UQCRC1: variants seen among roughly 807,000 people sequenced by gnomAD.
UQCRC1 encodes ubiquinol-cytochrome c reductase core protein 1.
In UQCRC1, 34 loss-of-function variants were observed where a neutral mutation model predicts 58.0. That is an observed-to-expected ratio of 0.59 (90% CI 0.45 to 0.78). The LOEUF (loss-of-function observed/expected upper bound fraction) is 0.78. UQCRC1 is among the 30% of genes least tolerant of loss of function. The pLI is 0.00. For synonymous variants in UQCRC1, 276 were observed against 248.8 expected, an observed-to-expected ratio of 1.11 and a Z score of -1.03; for missense variants, 610 against 646.0, an observed-to-expected ratio of 0.94 and a Z score of 0.60.
At position 48,599,155 on chromosome 3, in the gene UQCRC1, A is replaced by G. The variant is rs906510988; in HGVS notation, c.1416T>C (p.Arg472=). The G allele has an allele frequency of 1.9e-6, 3 of 1,590,774 alleles. No homozygotes were observed. The highest frequency in any genetic ancestry group is 1.7e-4 in the Middle Eastern group (1 of 5,960). ...AGAAGCGCAGCCAGAACATGCCGCT[A>G]CGGATCCGGTTGTAGTCTGGGAGCT... ...IEQLPDYNRI[R]SGMFWLRF Residue 472 remains arginine, a synonymous_variant, in exon 13 of 13, where the codon CGT becomes CGC. Coordinates refer to ENST00000203407, the MANE Select transcript of UQCRC1 (RefSeq NM_003365.3).
At position 48,604,233 on chromosome 3, in the gene UQCRC1, C is replaced by G. The variant is rs774335344; in HGVS notation, c.626G>C (p.Arg209Thr). The G allele has an allele frequency of 1.0e-4, 162 of 1,612,182 alleles. No homozygotes were observed. Among genetic ancestry groups the G allele is most frequent in the Non-Finnish European group, 1.4e-4 (161 of 1,179,882 alleles). The change falls in exon 5 of 13, where the codon AGG (arginine) becomes ACG (threonine). Residue 209 changes from arginine (R) to threonine (T), a missense_variant and splice_region_variant. Transcript: ENST00000203407. ...QAVEGPSENV[R>T]KLSRADLTEY... Reference sequence around the variant, plus strand: ...CCCCACAAGGCCAGCCAACTCTCACCTGACATTCTCACTGGGCCCCTCCAC... The same window carrying G: ...CCCCACAAGGCCAGCCAACTCTCACGTGACATTCTCACTGGGCCCCTCCAC...
chr3:48,601,552 AT>A, intron 6 of UQCRC1, 85 bp from the exon 7 acceptor site: 1 of 1,262,538 alleles, frequency 7.9e-7, no homozygotes, highest in Non-Finnish European at 1.1e-6. Flanking sequence ...GAGGACCCCC[AT>A]GTCCTGTCTT....
rs2046357737 is a variant in UQCRC1 at position 48,600,833 on chromosome 3, G to A, written c.974C>T (p.Ser325Phe). 3 of 1,613,888 alleles carry A rather than the reference G, an allele frequency of 1.9e-6. No homozygotes were observed. The highest frequency in any genetic ancestry group is 2.5e-6 in the Non-Finnish European group (3 of 1,180,036). The change falls in exon 9 of 13, where the codon TCC becomes TTC. Residue 325 changes from serine (S) to phenylalanine (F), a missense_variant. Transcript: ENST00000203407. ...DCTYGGGVHL[S>F]SPLASGAVAN... ...CACAGCACCTGAAGCCAGTGGGCTGGACAGGTGCTGCCAGGGGGATAGGTG... is the reference window on the plus strand; with the variant it reads ...CACAGCACCTGAAGCCAGTGGGCTGAACAGGTGCTGCCAGGGGGATAGGTG...
In UQCRC1 at chr3:48,604,784, G is replaced by A. The variant is rs748901563; in HGVS notation, c.298-4C>T. ...TGCCAGGCCGATTCTTTGTTCCCTG[G>A]AACCAGATATCAACCAGAACAATCA... is the stretch of plus-strand genomic sequence containing the variant. On this transcript the variant is annotated splice_region_variant and splice_polypyrimidine_tract_variant and intron_variant, in intron 3 of 12. Coordinates refer to ENST00000203407, the MANE Select transcript of UQCRC1 (RefSeq NM_003365.3). 2 of 1,613,904 alleles carry A rather than the reference G, an allele frequency of 1.2e-6. No individual in the cohort carries two copies. Among genetic ancestry groups the A allele is most frequent in the South Asian group, 2.2e-5 (2 of 91,052 alleles).
rs1286630157 is a variant in UQCRC1 at position 48,603,616 on chromosome 3, C to T, written c.654G>A (p.Glu218=). ...GGGCCTTGTAATGTGTGCTGAGGTA[C>T]TCGGTCAAGTCTGCACGAGACAGCT... ...VRKLSRADLT[E]YLSTHYKAPR... Residue 218 remains glutamate (E), a synonymous_variant, in exon 6 of 13, where the codon GAG becomes GAA. Coordinates refer to ENST00000203407, the MANE Select transcript of UQCRC1 (RefSeq NM_003365.3). 2.4e-5 allele frequency: 38 copies of T among 1,613,910 alleles called. No homozygotes were observed. The highest frequency in any genetic ancestry group is 2.5e-5 in the Non-Finnish European group (30 of 1,179,986).
intron 5 of UQCRC1, 142 bp from the exon 6 acceptor site, chr3:48,603,785 T>C (rs2046387336): frequency 1.3e-6 from 1 of 783,794 alleles, no homozygotes; most frequent in Non-Finnish European, 2.1e-6. Flanking sequence ...CCCAACCCCC[T>C]TCCCCTGTCT....
Position 48,599,689 on chromosome 3 carries a change from G to C in UQCRC1, c.1324C>G (p.Arg442Gly). The change falls in exon 12 of 13, where the codon CGT becomes GGT. Residue 442 changes from arginine (R) to glycine (G), a missense_variant. Arg to Gly is a moderately radical substitution (Grantham distance 125). Transcript: ENST00000203407. ...TAGATGTACTTGGAGCAGATCTCACGTACCACACTGGCATCCACCTCCTGC... is the reference window on the plus strand; with the variant it reads ...TAGATGTACTTGGAGCAGATCTCACCTACCACACTGGCATCCACCTCCTGC... ...RIAEVDASVV[R>G]EICSKYIYDQ... is the part of the protein sequence containing the mutation. 6.2e-7 allele frequency: 1 copy of C among 1,613,814 alleles called. No homozygotes were observed. Among genetic ancestry groups the C allele is most frequent in the Non-Finnish European group, 8.5e-7 (1 of 1,179,990 alleles).
In UQCRC1 at chr3:48,599,659, G is replaced by A. The variant is rs1406017546; in HGVS notation, c.1354C>T (p.Gln452Ter). Residue 452 changes from glutamine (Q) to a stop codon, truncating the protein, a stop_gained, in exon 12 of 13, where the codon CAG becomes TAG. Transcript: ENST00000203407. LOFTEE classifies it high-confidence loss of function. ...CCATATCCAGCCACTGCTGGGCACT[G>A]GTCATAGATGTACTTGGAGCAGATC... ...REICSKYIYD[Q>*]CPAVAGYGPI... 4 of 1,613,890 alleles carry A rather than the reference G, an allele frequency of 2.5e-6. No individual in the cohort carries two copies. Among genetic ancestry groups the A allele is most frequent in the East Asian group, 4.5e-5 (2 of 44,878 alleles).
At chr3:48,608,458 T>C (rs58144331) in intron 2 of UQCRC1, among the ~76,000 whole-genome samples, 400 of 152,100 alleles carry the variant, frequency 2.6e-3, no homozygotes, top group African/African-American at 9.3e-3. Context: ...TCATGTAATA[T>C]AGCATTCTTT....
chr3:48,605,894 C>T, intron 2 of UQCRC1, 38 bp from the exon 3 acceptor site: 1 of 1,602,314 alleles, frequency 6.2e-7, no homozygotes, highest in African/African-American at 1.3e-5. Flanking sequence ...ACAAACAAAC[C>T]ACTCCCCAGC....
rs142936717 is a variant in UQCRC1 at position 48,600,960 on chromosome 3, C to T, written c.966+15G>A. 107 of 1,600,418 alleles carry T rather than the reference C, an allele frequency of 6.7e-5. No homozygotes were observed. Among genetic ancestry groups the T allele is most frequent in the African/African-American group, 8.0e-5 (6 of 74,812 alleles). ...TTCCCTGAAGGCGAGGTCCCATGCT[C>T]GCGCTGGCACTCACCACGCCACCAC... On this transcript the variant is annotated intron_variant, in intron 8 of 12. Transcript: ENST00000203407.
rs772395984 is a variant in UQCRC1, at chr3:48,609,263, T to C, written c.109A>G (p.Thr37Ala). The C allele has an allele frequency of 1.2e-5, 20 of 1,612,330 alleles. No individual in the cohort carries two copies. The highest frequency in any genetic ancestry group is 4.5e-5 in the East Asian group (2 of 44,874). The part of the protein sequence containing the change: ...LRTPALRSTA[T>A]FAQALQFVPE... ...ACGAACTGGAGCGCCTGAGCGAAGG[T>C]TGCCGTACTCCGCAAGGCTGGCGTC... Residue 37 changes from threonine (T) to alanine (A), a missense_variant, in exon 2 of 13, where the codon ACC (threonine) becomes GCC (alanine). Transcript: ENST00000203407.
chr3:48,604,397 A>G lies in UQCRC1; in HGVS notation c.462T>C (p.Cys154=), dbSNP rs1402885843. The change falls in exon 5 of 13, where the codon TGT becomes TGC. Residue 154 remains cysteine, a synonymous_variant. Transcript: ENST00000203407. ...VELLGDIVQN[C]SLEDSQIEKE... The stretch of plus-strand genomic sequence containing the variant: ...TCTCAATCTGTGAGTCTTCCAGACT[A>G]CAGTTCTGCACAATGTCACCCAGGA... 1.2e-6 allele frequency: 2 copies of G among 1,614,164 alleles called. No individual in the cohort carries two copies. The highest frequency in any genetic ancestry group is 1.7e-6 in the Non-Finnish European group (2 of 1,180,040).
At chr3:48,603,957 G>A in intron 5 of UQCRC1, 1 of 586,238 alleles carries the variant, frequency 1.7e-6, no homozygotes, top group Non-Finnish European at 3.0e-6. Flanking sequence ...CCACAAAGGA[G>A]ACAAGAGACC....
At chr3:48,605,620 G>T in intron 3 of UQCRC1, 150 bp downstream of exon 3, 1 of 754,762 alleles carries the variant, frequency 1.3e-6, no homozygotes, top group Non-Finnish European at 2.2e-6. Flanking sequence ...CTCAGGAGAG[G>T]TTAAGCTCAT....
intron 5 of UQCRC1, chr3:48,603,951 A>C: frequency 1.7e-6 from 1 of 584,860 alleles, no homozygotes; most frequent in Non-Finnish European, 3.0e-6. Context: ...AGCCATCCAC[A>C]AAGGAGACAA....
At chr3:48,601,546 A>G in intron 6 of UQCRC1, 79 bp from the exon 7 acceptor site, 3 of 1,328,874 alleles carry the variant, frequency 2.3e-6, no homozygotes, top group Non-Finnish European at 3.2e-6. Context: ...CAGGCAGAGG[A>G]CCCCCATGTC....
chr3:48,603,891 C>T (rs905927580), intron 5 of UQCRC1: 37 of 586,872 alleles, frequency 6.3e-5, no homozygotes, highest in African/African-American at 2.6e-4. Flanking sequence ...TCTGAGAAGG[C>T]GTGAGCCAAC....
At chr3:48,605,391 T>G (rs1348474451) in intron 3 of UQCRC1, among the ~76,000 whole-genome samples, 1 of 152,220 alleles carries the variant, frequency 6.6e-6, no homozygotes, top group Non-Finnish European at 1.5e-5. Flanking sequence ...TTAAAAAACA[T>G]GGGTCTTTAC....
Sources: gnomAD v4.1 joint callset for allele counts (sites outside exome capture counted in the v4.1 genomes callset) on GRCh38, gnomAD v4.1.1 for gene constraint, MANE v1.5 for transcripts, NCBI Gene and HGNC (gene_info 2026-07-23, HGNC 2026-07-21) for gene names.